Variants in PEBP4 observed in about 807,000 individuals in gnomAD.
PEBP4 encodes the protein phosphatidylethanolamine-binding protein 4.
PEBP4 carries 22 observed loss-of-function variants against 23.9 expected under a neutral mutation model. The observed-to-expected ratio is 0.92, with a 90% CI of 0.66 to 1.31. The LOEUF is 1.31. Ranked by LOEUF, PEBP4 falls within the 40% of genes most tolerant of loss-of-function variation. The pLI is 0.00. For synonymous variants in PEBP4, 112 were observed against 99.3 expected (o/e 1.13, Z -0.76); for missense variants, 324 against 281.7 (o/e 1.15, Z -1.07).
chr8:22,762,021 AC>A (rs1284016776), intron 4 of PEBP4, among the ~76,000 whole-genome samples: 16 of 151,534 alleles, frequency 1.1e-4, no homozygotes, highest in African/African-American at 3.9e-4. Context: ...CCTTTTCCAA[AC>A]CCCAACTACT....
intron 3 of PEBP4, among the ~76,000 whole-genome samples, chr8:22,846,568 C>G (rs937640320): frequency 6.6e-6 from 1 of 152,180 alleles, no homozygotes; most frequent in African/African-American, 2.4e-5. Context: ...AGTTCTCCTT[C>G]TCTTGGAGAG....
intron 3 of PEBP4, among the ~76,000 whole-genome samples, chr8:22,881,777 G>C (rs1808263228): frequency 6.6e-6 from 1 of 152,202 alleles, no homozygotes; most frequent in African/African-American, 2.4e-5. Flanking sequence ...AGCAATTAGG[G>C]ATGAAACTGT....
chr8:22,817,677 C>G lies in PEBP4; in HGVS notation c.317G>C (p.Arg106Thr). Reference protein sequence around the residue: ...DPDAPSRAEPRQRFWRHWLVT... With the variant: ...DPDAPSRAEPTQRFWRHWLVT... ...CAGCCAATGTCTCCAGAATCTCTGT[C>G]TGGGTTCTGCTCTGCTAGGGGCATC... The change falls in exon 4 of 7, where the codon AGA becomes ACA. Residue 106 changes from arginine (R) to threonine (T), a missense_variant. By Grantham distance (71) the Arg-to-Thr change is moderately conservative. Coordinates refer to ENST00000256404, the MANE Select transcript of PEBP4 (RefSeq NM_144962.3). 1.2e-6 allele frequency: 2 copies of G among 1,614,220 alleles called. No individual in the cohort carries two copies. Among genetic ancestry groups the G allele is most frequent in the Non-Finnish European group, 1.7e-6 (2 of 1,180,040 alleles).
intron 4 of PEBP4, among the ~76,000 whole-genome samples, chr8:22,770,755 T>G (rs1805703603): frequency 6.6e-6 from 1 of 152,228 alleles, no homozygotes; most frequent in Non-Finnish European, 1.5e-5. Flanking sequence ...CAGAGAAGCA[T>G]CATCTTCACA....
intron 3 of PEBP4, among the ~76,000 whole-genome samples, chr8:22,906,207 G>A (rs766227724): frequency 1.3e-5 from 2 of 152,172 alleles, no homozygotes; most frequent in East Asian, 1.9e-4. Context: ...CTGAACAGAG[G>A]GTGTTACCTT....
intron 4 of PEBP4, among the ~76,000 whole-genome samples, chr8:22,813,727 C>A (rs1360273856): frequency 6.6e-6 from 1 of 152,208 alleles, no homozygotes; most frequent in Non-Finnish European, 1.5e-5. Context: ...TTAGAAATCG[C>A]TCTTGCTCAA....
At chr8:22,791,773 T>C (rs1430952363) in intron 4 of PEBP4, among the ~76,000 whole-genome samples, 3 of 152,238 alleles carry the variant, frequency 2.0e-5, no homozygotes, top group African/African-American at 7.2e-5. Flanking sequence ...TACTCTTCAT[T>C]AAACACTGTC....
At chr8:22,782,253 G>T (rs567276501) in intron 4 of PEBP4, among the ~76,000 whole-genome samples, 1 of 152,174 alleles carries the variant, frequency 6.6e-6, no homozygotes, top group Non-Finnish European at 1.5e-5. Context: ...GTGATACAAG[G>T]TGCCTTACCA....
chr8:22,843,179 G>A (rs1315151680), intron 3 of PEBP4, among the ~76,000 whole-genome samples: 1 of 151,758 alleles, frequency 6.6e-6, no homozygotes, highest in East Asian at 1.9e-4. Context: ...GGCCAGGCTG[G>A]TCTTGAACTC....
intron 4 of PEBP4, among the ~76,000 whole-genome samples, chr8:22,755,236 G>T (rs1805353951): frequency 6.6e-6 from 1 of 151,886 alleles, no homozygotes; most frequent in Admixed American, 6.6e-5. Flanking sequence ...CTATTATCTA[G>T]CGGAGTGTAA....
intron 4 of PEBP4, among the ~76,000 whole-genome samples, chr8:22,733,337 C>T (rs1353768929): frequency 1.3e-5 from 2 of 152,224 alleles, no homozygotes; most frequent in Non-Finnish European, 2.9e-5. Context: ...CAACCTCTAT[C>T]CTTTGGGTGT....
At chr8:22,816,456 T>G (rs1563225786) in intron 4 of PEBP4, among the ~76,000 whole-genome samples, 1 of 152,220 alleles carries the variant, frequency 6.6e-6, no homozygotes, top group Non-Finnish European at 1.5e-5. Context: ...CTCAGGATAG[T>G]CACAAGCTAG....
chr8:22,923,065 T>C (rs1809246043), intron 2 of PEBP4, among the ~76,000 whole-genome samples: 1 of 152,198 alleles, frequency 6.6e-6, no homozygotes, highest in African/African-American at 2.4e-5. Flanking sequence ...TATTCCTATC[T>C]CCAGATGAGT....
intron 3 of PEBP4, among the ~76,000 whole-genome samples, chr8:22,867,757 G>T (rs1807935030): frequency 6.6e-6 from 1 of 152,212 alleles, no homozygotes; most frequent in African/African-American, 2.4e-5. Context: ...TCACGTCATT[G>T]CATGAAATTC....
At position 22,784,228 on chromosome 8, in the gene PEBP4, G is replaced by C. The variant is rs555107531; in HGVS notation, c.357+33409C>G. Among the ~76,000 whole-genome samples, 3 of 152,302 alleles carry C rather than the reference G, an allele frequency of 2.0e-5. No individual in the cohort carries two copies. The East Asian group carries it at 5.8e-4, about 29-fold the overall frequency. On this transcript the variant is annotated intron_variant, in intron 4 of 6. Coordinates refer to ENST00000256404, the MANE Select transcript of PEBP4 (RefSeq NM_144962.3). ...CCTGCTACCAAACTGAGTAGATGATGATATGTAAGTGGAGAGGGTGTCAGG... is the reference window on the plus strand; with the variant it reads ...CCTGCTACCAAACTGAGTAGATGATCATATGTAAGTGGAGAGGGTGTCAGG...
chr8:22,746,363 C>G (rs1805117735), intron 4 of PEBP4, among the ~76,000 whole-genome samples: 1 of 152,136 alleles, frequency 6.6e-6, no homozygotes, highest in African/African-American at 2.4e-5. Flanking sequence ...GGTGTTGTCT[C>G]TTTGGCCCCT....
chr8:22,713,423 C>G lies in PEBP4; in HGVS notation c.631G>C (p.Glu211Gln). 2 of 1,612,390 alleles carry G rather than the reference C, an allele frequency of 1.2e-6. No homozygotes were observed. The highest frequency in any genetic ancestry group is 1.7e-6 in the Non-Finnish European group (2 of 1,179,486). The change falls in exon 7 of 7, where the codon GAA (glutamate) becomes CAA (glutamine). Residue 211 changes from glutamate (E) to glutamine (Q), a missense_variant. By Grantham distance (29) the Glu-to-Gln change is conservative. Coordinates refer to ENST00000256404, the MANE Select transcript of PEBP4 (RefSeq NM_144962.3). ...TTGTGCTTGGGCTCGCTGGCCCTTTCTCTGGGAGCCTGGAGGGTTGGTGAG... is the reference window on the plus strand; with the variant it reads ...TTGTGCTTGGGCTCGCTGGCCCTTTGTCTGGGAGCCTGGAGGGTTGGTGAG... ...QDSPTLQAPR[E>Q]RASEPKHKNQ...
intron 3 of PEBP4, chr8:22,886,719 C>G (rs1322465810): frequency 6.6e-6 from 1 of 152,426 alleles, no homozygotes; most frequent in Non-Finnish European, 1.5e-5. Context: ...CCTCACACAG[C>G]AGCAACAGGG....
At chr8:22,839,806 G>A (rs1011093596) in intron 3 of PEBP4, among the ~76,000 whole-genome samples, 1 of 152,136 alleles carries the variant, frequency 6.6e-6, no homozygotes, top group Non-Finnish European at 1.5e-5. Context: ...CACGTGAGGG[G>A]CCCATCTCAT....
Sources: allele counts gnomAD v4.1 joint callset (sites outside exome capture counted in the v4.1 genomes callset), GRCh38; gene constraint gnomAD v4.1.1; transcripts MANE v1.5; gene names NCBI Gene and HGNC (gene_info 2026-07-23, HGNC 2026-07-21).